OXTR: variants seen among roughly 807,000 people sequenced by gnomAD.
OXTR encodes oxytocin receptor.
A neutral mutation model predicts 23.9 loss-of-function variants in OXTR; 19 were observed. The observed-to-expected ratio is 0.80, with a 90% confidence interval of 0.56 to 1.17. The LOEUF is 1.17. Ranked by LOEUF, OXTR falls within the 50% of genes most tolerant of loss-of-function variation. The probability of loss-of-function intolerance (pLI) is 0.00; values close to 1 mark genes in which losing one functional copy is unlikely to be tolerated. For synonymous variants in OXTR, 278 were observed against 250.5 expected (o/e 1.11, Z -1.04); for missense variants, 500 against 550.7 (o/e 0.91, Z 0.92).
chr3:8,760,089 G>A (rs374563726), intron 3 of OXTR, among the ~76,000 whole-genome samples: 10 of 152,292 alleles, frequency 6.6e-5, no homozygotes, highest in Non-Finnish European at 8.8e-5. Flanking sequence ...TGCTAGGCCT[G>A]TACCCAAAAT....
chr3:8,763,534 G>C (rs1384293145), intron 3 of OXTR, among the ~76,000 whole-genome samples: 1 of 152,192 alleles, frequency 6.6e-6, no homozygotes, highest in Non-Finnish European at 1.5e-5. Context: ...TCCTCCCTCA[G>C]AACTGCCCCA....
the OXTR span, among the ~76,000 whole-genome samples, chr3:8,744,086 C>T: frequency 6.6e-6 from 1 of 152,086 alleles, no homozygotes; most frequent in Non-Finnish European, 1.5e-5. Context: ...TTAGTCTGTA[C>T]CTGCATCCAC....
downstream of OXTR, among the ~76,000 whole-genome samples, chr3:8,749,867 T>C (rs368710984): frequency 7.2e-5 from 11 of 152,148 alleles, no homozygotes; most frequent in Admixed American, 5.9e-4. Context: ...TACTGCAGCA[T>C]GGAGGAAGAA....
At chr3:8,749,317 G>A (rs1047838657), downstream of OXTR, among the ~76,000 whole-genome samples, 2 of 152,172 alleles carry the variant, frequency 1.3e-5, no homozygotes, top group Admixed American at 1.3e-4. Flanking sequence ...CGAAGAGAGT[G>A]ACAAAGCATC....
rs375980749 is a variant in OXTR, at chr3:8,767,855, C to T, written c.333G>A (p.Leu111=). ...ITFRFYGPDL[L]CRLVKYLQVV... The stretch of plus-strand genomic sequence containing the variant: ...CCTGCAAGTACTTGACCAGGCGGCA[C>T]AGCAGGTCGGGCCCGTAGAAGCGGA... Residue 111 remains leucine, a synonymous_variant, in exon 3 of 4, where the codon CTG becomes CTA. Transcript: ENST00000316793. 2.5e-6 allele frequency: 4 copies of T among 1,613,058 alleles called. No individual in the cohort carries two copies. The South Asian group carries it at 3.3e-5, about 13-fold the overall frequency.
chr3:8,743,157 CA>C, the OXTR span, among the ~76,000 whole-genome samples: 1 of 152,164 alleles, frequency 6.6e-6, no homozygotes, highest in Non-Finnish European at 1.5e-5. Flanking sequence ...CCCCATGACC[CA>C]AACACCTCCC....
chr3:8,746,032 C>T (rs1708151195), downstream of OXTR: 2 of 611,010 alleles, frequency 3.3e-6, no homozygotes, highest in Admixed American at 2.9e-5. Context: ...AAAGACGGCC[C>T]AGCCACAGAA....
At position 8,750,635 on chromosome 3, in the gene OXTR, T is replaced by C. The variant is rs1470539292; in HGVS notation, c.*2342A>G. On this transcript the variant is annotated 3_prime_UTR_variant, in exon 4 of 4. Transcript: ENST00000316793. ...ATTGCATTTCAATGCAGTCAGACAA[T>C]ATGTGGGCTTTTGCACCTGGCTTCT... 6.6e-6 allele frequency: 1 copy of C among 152,204 alleles called. No individual in the cohort carries two copies. The highest frequency in any genetic ancestry group is 2.4e-5 in the African/African-American group (1 of 41,448). 9.4% of individuals were successfully genotyped at this position (152,204 alleles called of 1,614,324 possible).
chr3:8,744,520 C>CT, the OXTR span, among the ~76,000 whole-genome samples: 7 of 149,246 alleles, frequency 4.7e-5, no homozygotes, highest in African/African-American at 1.7e-4. Context: ...ATTTTACAGC[C>CT]TCCCATCCTT....
At chr3:8,743,926 A>C in the OXTR span, among the ~76,000 whole-genome samples, 1 of 151,856 alleles carries the variant, frequency 6.6e-6, no homozygotes, top group African/African-American at 2.4e-5. Context: ...CATTTTTTTT[A>C]TAATGAAAGT....
chr3:8,768,259 G>C lies in OXTR; in HGVS notation c.-72C>G. ...TTGGCGCGGCTGGGCCGGATCCGGC[G>C]TGTCGGAGGGTGTAGGGGCGCCCGG... is the stretch of plus-strand genomic sequence containing the variant. On this transcript the variant is annotated 5_prime_UTR_variant, in exon 3 of 4. Coordinates refer to ENST00000316793, the MANE Select transcript of OXTR (RefSeq NM_000916.4). The surrounding 1 kb of genome is among the most constrained non-coding windows in gnomAD (Gnocchi z 5.4). The C allele has an allele frequency of 1.6e-6, 2 of 1,254,292 alleles. No individual in the cohort carries two copies. Among genetic ancestry groups the C allele is most frequent in the African/African-American group, 1.6e-5 (1 of 63,932 alleles). The allele number at this position is 1,254,292 out of a possible 1,614,324, so 77.7% of individuals were successfully genotyped here.
chr3:8,756,118 TG>T (rs1708369444), intron 3 of OXTR, among the ~76,000 whole-genome samples: 1 of 152,162 alleles, frequency 6.6e-6, no homozygotes, highest in African/African-American at 2.4e-5. Flanking sequence ...CTGCACTTAT[TG>T]TATCTTGTAT....
chr3:8,748,923 G>C (rs1398775319), downstream of OXTR, among the ~76,000 whole-genome samples: 1 of 152,112 alleles, frequency 6.6e-6, no homozygotes, highest in Non-Finnish European at 1.5e-5. Flanking sequence ...AAGCCTCAGA[G>C]TTTCCACGTT....
At chr3:8,763,180 G>A (rs565533934) in intron 3 of OXTR, among the ~76,000 whole-genome samples, 8 of 152,112 alleles carry the variant, frequency 5.3e-5, no homozygotes, top group East Asian at 1.9e-4. Flanking sequence ...CAGCCTCCCC[G>A]GACACATCAC....
downstream of OXTR, chr3:8,750,378 G>C (rs1379383224): frequency 1.3e-5 from 2 of 152,130 alleles, no homozygotes; most frequent in East Asian, 3.8e-4. Flanking sequence ...CATCAAGCTG[G>C]CCTTCTCTGA....
Position 8,752,681 on chromosome 3 carries a change from T to C in OXTR, c.*296A>G. On this transcript the variant is annotated 3_prime_UTR_variant, in exon 4 of 4. Coordinates refer to ENST00000316793, the MANE Select transcript of OXTR (RefSeq NM_000916.4). Reference sequence around the variant, plus strand: ...ATCCCAGAATGAAGAAGTAAAAATATACTGGAGTGAAATTACAAGTCCAGG... The same window carrying C: ...ATCCCAGAATGAAGAAGTAAAAATACACTGGAGTGAAATTACAAGTCCAGG... 1 of 360,874 alleles carries C rather than the reference T, an allele frequency of 2.8e-6. No individual in the cohort carries two copies. The highest frequency in any genetic ancestry group is 5.0e-6 in the Non-Finnish European group (1 of 198,374). The allele number at this position is 360,874 out of a possible 1,614,324, so 22.4% of individuals were successfully genotyped here.
chr3:8,768,109 G>T lies in OXTR; in HGVS notation c.79C>A (p.Arg27Ser). Residue 27 changes from arginine (R) to serine (S), a missense_variant, in exon 3 of 4, where the codon CGC (arginine) becomes AGC (serine). Coordinates refer to ENST00000316793, the MANE Select transcript of OXTR (RefSeq NM_000916.4). This position sits in a 1 kb window ranked among gnomAD's most constrained non-coding sequence, Gnocchi z 5.4. ...TTGCGCCGCGGGGGTCCGGCGGTGC[G>T]GTTGCCCTCGGCCCCCGGCGGCGCG... The part of the protein sequence containing the change: ...SAAPPGAEGN[R>S]TAGPPRRNEA... 3 of 1,401,312 alleles carry T rather than the reference G, an allele frequency of 2.1e-6. No individual in the cohort carries two copies. Among genetic ancestry groups the T allele is most frequent in the Non-Finnish European group, 2.8e-6 (3 of 1,082,114 alleles). 86.8% of individuals were successfully genotyped at this position (1,401,312 alleles called of 1,614,324 possible).
chr3:8,763,893 A>G (rs1261308585), intron 3 of OXTR, among the ~76,000 whole-genome samples: 3 of 152,116 alleles, frequency 2.0e-5, no homozygotes, highest in Non-Finnish European at 4.4e-5. Context: ...TATTATTACT[A>G]TTATTGTAAT....
intron 3 of OXTR, among the ~76,000 whole-genome samples, chr3:8,756,986 A>T (rs1183752003): frequency 6.6e-6 from 1 of 152,188 alleles, no homozygotes; most frequent in African/African-American, 2.4e-5. Flanking sequence ...GTCCCTCAGG[A>T]AAGGAAGCTG....
Sources: gnomAD v4.1 joint callset for allele counts (sites outside exome capture counted in the v4.1 genomes callset) on GRCh38, gnomAD v4.1.1 for gene constraint, Gnocchi (gnomAD v3.1) non-coding constraint, MANE v1.5 for transcripts, NCBI Gene and HGNC (gene_info 2026-07-23, HGNC 2026-07-21) for gene names.